The following SPECC1 variants were observed in gnomAD, a reference collection of about 807,000 sequenced individuals.
SPECC1 encodes cytospin-B.
Under a neutral mutation model 104.1 loss-of-function variants are expected in SPECC1, and 62 were observed. The observed-to-expected ratio is 0.60, with a 90% CI of 0.49 to 0.74. The LOEUF is 0.74. Among genes scored for constraint, SPECC1 ranks in the 30% least tolerant of loss-of-function variants. SPECC1 has a pLI of 0.00. For synonymous variants in SPECC1, 513 were observed against 501.6 expected, an observed-to-expected ratio of 1.02 and a Z score of -0.30; for missense variants, 1,306 against 1,310.5, an observed-to-expected ratio of 1.00 and a Z score of 0.05.
chr17:20,190,622 C>T (rs747086690), intron 3 of SPECC1, among the ~76,000 whole-genome samples: 21 of 152,144 alleles, frequency 1.4e-4, no homozygotes, highest in African/African-American at 3.4e-4. Flanking sequence ...GAACCCACAC[C>T]GATGTAACAT....
At chr17:20,070,068 G>C (rs1435757935) in intron 1 of SPECC1, among the ~76,000 whole-genome samples, 2 of 152,046 alleles carry the variant, frequency 1.3e-5, no homozygotes, top group Non-Finnish European at 2.9e-5. Flanking sequence ...ATTAGAGATA[G>C]TTTTACTTTC....
intron 7 of SPECC1, among the ~76,000 whole-genome samples, chr17:20,240,718 A>G (rs1598067227): frequency 6.6e-6 from 1 of 152,184 alleles, no homozygotes; most frequent in Non-Finnish European, 1.5e-5. Flanking sequence ...CCTGCCCTAG[A>G]TGTGCTCCCA....
intron 2 of SPECC1, among the ~76,000 whole-genome samples, chr17:20,108,634 C>A (rs1213506205): frequency 6.6e-6 from 1 of 152,210 alleles, no homozygotes; most frequent in African/African-American, 2.4e-5. Context: ...CTGGGACAGC[C>A]ACCCATTTAT....
At chr17:20,050,492 TA>T (rs2045700090) in intron 1 of SPECC1, among the ~76,000 whole-genome samples, 1 of 152,246 alleles carries the variant, frequency 6.6e-6, no homozygotes, top group South Asian at 2.1e-4. Context: ...GCAAATTCAA[TA>T]AAATCATTTT....
intron 3 of SPECC1, chr17:20,156,322 C>A: frequency 7.8e-7 from 1 of 1,284,256 alleles, no homozygotes; most frequent in Non-Finnish European, 1.0e-6. Context: ...CGGCTCGCGG[C>A]GCCGACTGGG....
At chr17:20,013,994 G>T (rs2044031490) in intron 1 of SPECC1, among the ~76,000 whole-genome samples, 1 of 151,892 alleles carries the variant, frequency 6.6e-6, no homozygotes, top group Non-Finnish European at 1.5e-5. Context: ...TCTGGGAGTG[G>T]AACTGCTTGG....
At chr17:20,209,475 A>G (rs1421311393) in intron 4 of SPECC1, among the ~76,000 whole-genome samples, 1 of 152,196 alleles carries the variant, frequency 6.6e-6, no homozygotes, top group East Asian at 1.9e-4. Flanking sequence ...GTACTTTTTT[A>G]AAAATAGGAG....
intron 1 of SPECC1, among the ~76,000 whole-genome samples, chr17:20,065,568 A>G (rs2046330417): frequency 6.6e-6 from 1 of 152,230 alleles, no homozygotes; most frequent in Non-Finnish European, 1.5e-5. Context: ...ACTACCCTCC[A>G]GAAACTTCCA....
chr17:20,130,234 C>G (rs530997042), intron 3 of SPECC1, among the ~76,000 whole-genome samples: 1 of 152,268 alleles, frequency 6.6e-6, no homozygotes, highest in South Asian at 2.1e-4. Flanking sequence ...GGTATCCTTT[C>G]TCTATTGAAT....
chr17:20,186,417 TGCTC>T (rs1292578839), intron 3 of SPECC1, among the ~76,000 whole-genome samples: 1 of 152,238 alleles, frequency 6.6e-6, no homozygotes, highest in Non-Finnish European at 1.5e-5. Flanking sequence ...CTGATAGACT[TGCTC>T]GATGCAGGGT....
chr17:20,222,352 G>A (rs556631064), intron 4 of SPECC1, among the ~76,000 whole-genome samples: 12 of 152,122 alleles, frequency 7.9e-5, no homozygotes, highest in Non-Finnish European at 1.8e-4. Flanking sequence ...AAAGTTTCAG[G>A]AATTATTTTG....
chr17:20,289,843 C>T (rs1042362788), intron 12 of SPECC1, among the ~76,000 whole-genome samples: 1 of 152,036 alleles, frequency 6.6e-6, no homozygotes, highest in Non-Finnish European at 1.5e-5. Flanking sequence ...GTTCTTGGAG[C>T]GAGTGTTATG....
At chr17:20,251,664 T>C (rs1458656278) in intron 9 of SPECC1, among the ~76,000 whole-genome samples, 2 of 152,214 alleles carry the variant, frequency 1.3e-5, no homozygotes, top group Admixed American at 6.5e-5. Flanking sequence ...CATTGCAGCA[T>C]TGTTCCTAAT....
intron 3 of SPECC1, among the ~76,000 whole-genome samples, chr17:20,174,133 G>A (rs575476338): frequency 1.8e-4 from 28 of 152,092 alleles, no homozygotes; most frequent in African/African-American, 6.0e-4. Context: ...GTTTCACCAC[G>A]TTGGTCAGGC....
Position 20,079,153 on chromosome 17 carries a change from G to A in SPECC1, c.-21-17478G>A, listed in dbSNP as rs558478539. Among the ~76,000 whole-genome samples, 7 of 152,302 alleles carry A rather than the reference G, an allele frequency of 4.6e-5. No homozygotes were observed. The South Asian group carries it at 1.5e-3, about 32-fold the overall frequency. ...ATGGAGGAAAAGTTGCTTTATTGAT[G>A]GGCGCCGACCTCTTCCATCTCCTGT... On this transcript the variant is annotated intron_variant, in intron 1 of 14. Transcript: ENST00000395527.
At chr17:20,183,540 C>T (rs1383061995) in intron 3 of SPECC1, among the ~76,000 whole-genome samples, 1 of 152,138 alleles carries the variant, frequency 6.6e-6, no homozygotes, top group Non-Finnish European at 1.5e-5. Context: ...ATTCCAGAAT[C>T]TCCTATGGAT....
rs1189885770 is a variant in SPECC1 at position 20,315,976 on chromosome 17, T to G, written c.*1911T>G. ...TTTAGGCGACTGAAGCACAGCTGCT[T>G]GGAGAACCACTGAGGGGTGGACACC... On this transcript the variant is annotated 3_prime_UTR_variant, in exon 15 of 15. Coordinates refer to ENST00000395527, the MANE Select transcript of SPECC1 (RefSeq NM_001243439.2). The G allele has an allele frequency of 4.3e-6, 1 of 232,608 alleles. No homozygotes were observed. Among genetic ancestry groups the G allele is most frequent in the African/African-American group, 2.2e-5 (1 of 45,314 alleles). 14.4% of individuals were successfully genotyped at this position (232,608 alleles called of 1,614,324 possible). A position where few individuals can be genotyped will look rare whatever the true frequency, so the allele number is the denominator to read the frequency against.
At chr17:20,058,941 A>G (rs144429537) in intron 1 of SPECC1, among the ~76,000 whole-genome samples, 10,850 of 144,544 alleles carry the variant, frequency 0.075, 528 homozygotes, top group African/African-American at 0.15. Context: ...CCAGGTTCAC[A>G]CCATTCTCCT....
In SPECC1 at chr17:20,304,290, A is replaced by C. The variant is rs547472267; in HGVS notation, c.3058-1733A>C. 3.9e-5 allele frequency among the ~76,000 whole-genome samples: 6 copies of C among 152,132 alleles called. No homozygotes were observed. In the East Asian group the frequency reaches 1.2e-3, roughly 29 times the overall value. ...GGGTGACAGGGCGAGATTCCATCTC[A>C]AAAAAAGGAAATTTCACTGAGGAAC... On this transcript the variant is annotated intron_variant, in intron 13 of 14. Transcript: ENST00000395527.
Sources: allele counts gnomAD v4.1 joint callset (sites outside exome capture counted in the v4.1 genomes callset), GRCh38; gene constraint gnomAD v4.1.1; transcripts MANE v1.5; gene names NCBI Gene and HGNC (gene_info 2026-07-23, HGNC 2026-07-21).